The following CADPS variants were observed in gnomAD, a reference collection of about 807,000 sequenced individuals.
CADPS encodes the protein calcium dependent secretion activator.
A neutral mutation model predicts 167.3 loss-of-function variants in CADPS; 57 were observed. That is an observed-to-expected ratio of 0.34 (90% CI 0.28 to 0.42). CADPS has a LOEUF of 0.42. Among genes scored for constraint, CADPS ranks in the 20% least tolerant of loss-of-function variants. CADPS has a pLI of 1.00. For synonymous variants in CADPS, 676 were observed against 635.3 expected (o/e 1.06, Z -0.96); for missense variants, 1,414 against 1,738.1 (o/e 0.81, Z 3.32).
chr3:62,781,659 G>A lies in CADPS; in HGVS notation c.442-15675C>T, dbSNP rs144375535. Among the ~76,000 whole-genome samples the A allele has an allele frequency of 2.6e-5, 4 of 152,092 alleles. 1 individual carries two copies. Among genetic ancestry groups the A allele is most frequent in the South Asian group, 4.1e-4 (2 of 4,820 alleles). On this transcript the variant is annotated intron_variant, in intron 1 of 29. Coordinates refer to ENST00000383710, the MANE Select transcript of CADPS (RefSeq NM_003716.4). Reference sequence around the variant, plus strand: ...TAGAGAGAAAACTAATCCTGGGAGCGAGAACACACCCACGATTGTGTGTGG... The same window carrying A: ...TAGAGAGAAAACTAATCCTGGGAGCAAGAACACACCCACGATTGTGTGTGG...
chr3:62,710,113 A>T (rs1181262520), intron 3 of CADPS, among the ~76,000 whole-genome samples: 1 of 152,128 alleles, frequency 6.6e-6, no homozygotes, highest in African/African-American at 2.4e-5. Context: ...AGTAATTATT[A>T]CTTTATTCCG....
At chr3:62,628,068 T>C (rs919364462) in intron 6 of CADPS, among the ~76,000 whole-genome samples, 1 of 152,202 alleles carries the variant, frequency 6.6e-6, no homozygotes, top group Non-Finnish European at 1.5e-5. Context: ...GTTCCTCCTC[T>C]GTTCAGATTC....
chr3:62,729,703 C>T (rs1402217820), intron 3 of CADPS, among the ~76,000 whole-genome samples: 2 of 151,844 alleles, frequency 1.3e-5, no homozygotes, highest in Admixed American at 6.6e-5. Context: ...GTCACTATCA[C>T]CTCAATGTTA....
chr3:62,713,055 G>T (rs1034654377), intron 3 of CADPS, among the ~76,000 whole-genome samples: 3 of 152,180 alleles, frequency 2.0e-5, no homozygotes, highest in Non-Finnish European at 4.4e-5. Flanking sequence ...TGGCTGAATT[G>T]TTGCTCATTT....
At chr3:62,591,676 G>C (rs1336083325) in intron 7 of CADPS, among the ~76,000 whole-genome samples, 1 of 152,150 alleles carries the variant, frequency 6.6e-6, no homozygotes, top group African/African-American at 2.4e-5. Flanking sequence ...TCTTGGTGCA[G>C]AGTCAATGGT....
intron 3 of CADPS, among the ~76,000 whole-genome samples, chr3:62,663,914 A>G (rs772692903): frequency 2.3e-4 from 35 of 152,310 alleles, no homozygotes; most frequent in Non-Finnish European, 4.4e-4. Flanking sequence ...TTGGCTAGGT[A>G]TTCTAAGGCA....
intron 6 of CADPS, among the ~76,000 whole-genome samples, chr3:62,616,767 G>A (rs903609633): frequency 6.6e-6 from 1 of 152,170 alleles, no homozygotes; most frequent in Non-Finnish European, 1.5e-5. Context: ...CATATGAGGT[G>A]TCAAAGAGAC....
chr3:62,410,074 C>T lies in CADPS; in HGVS notation c.3778-6889G>A, dbSNP rs527596512. On this transcript the variant is annotated intron_variant, in intron 28 of 29. Coordinates refer to ENST00000383710, the MANE Select transcript of CADPS (RefSeq NM_003716.4). ...TATATACACACACACATACTCCCAA[C>T]AAGATATGTTACCCCATGCCTGTAA... 1.4e-3 allele frequency among the ~76,000 whole-genome samples: 208 copies of T among 152,220 alleles called. 2 individuals carry two copies. Among genetic ancestry groups the T allele is most frequent in the African/African-American group, 4.8e-3 (201 of 41,554 alleles).
chr3:62,542,324 T>C (rs1278679872), intron 11 of CADPS, among the ~76,000 whole-genome samples: 1 of 152,154 alleles, frequency 6.6e-6, no homozygotes, highest in Non-Finnish European at 1.5e-5. Flanking sequence ...ATTTCTCTTA[T>C]ACGGAAAATG....
At chr3:62,405,230 A>G (rs1003732037) in intron 28 of CADPS, among the ~76,000 whole-genome samples, 4 of 151,774 alleles carry the variant, frequency 2.6e-5, no homozygotes, top group African/African-American at 9.7e-5. Flanking sequence ...ACCTTCGAGC[A>G]ATCCTGGCAA....
intron 1 of CADPS, among the ~76,000 whole-genome samples, chr3:62,767,722 T>C (rs534569928): frequency 6.6e-6 from 1 of 152,274 alleles, no homozygotes; most frequent in South Asian, 2.1e-4. Context: ...ATCAGACTCA[T>C]ATTTGTTACA....
At position 62,753,585 on chromosome 3, in the gene CADPS, T is replaced by C. The variant is rs1159719259; in HGVS notation, c.744A>G (p.Glu248=). 19 of 1,614,150 alleles carry C rather than the reference T, an allele frequency of 1.2e-5. No homozygotes were observed. The highest frequency in any genetic ancestry group is 1.6e-5 in the Non-Finnish European group (19 of 1,180,018). ...GGGCCTGCTGCTTCCGCGGGTCCTC[T>C]TCTCCACGGTAGATGGCATCAAATT... ...MAKFDAIYRG[E]EDPRKQQARM... is the part of the protein sequence containing the mutation. Residue 248 remains glutamate (E), a synonymous_variant, in exon 3 of 30, where the codon GAA becomes GAG. Transcript: ENST00000383710. The surrounding 1 kb of genome is among the most constrained non-coding windows in gnomAD (Gnocchi z 4.6).
chr3:62,583,871 G>T lies in CADPS; in HGVS notation c.1577+1314C>A, dbSNP rs1460901967. Among the ~76,000 whole-genome samples, 5 of 152,074 alleles carry T rather than the reference G, an allele frequency of 3.3e-5. 1 individual carries two copies. The highest frequency in any genetic ancestry group is 3.3e-4 in the Admixed American group (5 of 15,270). On this transcript the variant is annotated intron_variant, in intron 8 of 29. Transcript: ENST00000383710. The stretch of plus-strand genomic sequence containing the variant: ...CTGCTGTGGTCTGCTCATCTACTGG[G>T]AAGTTCAATTCCTGTCCTGGTCACG...
intron 9 of CADPS, among the ~76,000 whole-genome samples, chr3:62,567,564 C>CTTTTTTTT (rs10561022): frequency 3.0e-5 from 1 of 33,850 alleles, no homozygotes; most frequent in African/African-American, 1.1e-4. Context: ...CTAAGCACTG[C>CTTTTTTTT]TTTTTTTTTT....
chr3:62,763,341 G>A (rs1317119348), intron 2 of CADPS, among the ~76,000 whole-genome samples: 2 of 152,200 alleles, frequency 1.3e-5, no homozygotes, highest in Non-Finnish European at 2.9e-5. Flanking sequence ...ATGGAGAGAA[G>A]CTGACCAAGA....
chr3:62,587,433 G>C (rs2148663065), intron 7 of CADPS, among the ~76,000 whole-genome samples: 1 of 152,284 alleles, frequency 6.6e-6, no homozygotes, highest in South Asian at 2.1e-4. Flanking sequence ...CACTTTGTGG[G>C]AGCTGCTGAT....
intron 6 of CADPS, among the ~76,000 whole-genome samples, chr3:62,638,597 T>C (rs1216147443): frequency 6.6e-6 from 1 of 152,168 alleles, no homozygotes; most frequent in Non-Finnish European, 1.5e-5. Flanking sequence ...GTTTCATAGC[T>C]ACACAAGATT....
Position 62,465,439 on chromosome 3 carries a change from G to T in CADPS, c.3564C>A (p.Ile1188=), listed in dbSNP as rs771644515. The T allele has an allele frequency of 1.2e-5, 19 of 1,603,550 alleles. No individual in the cohort carries two copies. In the Admixed American group the frequency reaches 2.9e-4, roughly 25 times the overall value. The change falls in exon 26 of 30, where the codon ATC becomes ATA. Residue 1188 remains isoleucine, a synonymous_variant. Transcript: ENST00000383710. This position sits in a 1 kb window ranked among gnomAD's most constrained non-coding sequence, Gnocchi z 4.1. ...ITLLVAKFVT[I]LEGVLAKLSR... is the part of the protein sequence containing the mutation. ...ATAATTTTGCCAGCACTCCTTCCAA[G>T]ATAGTAACGAACTAGAAAAACAGCA...
At chr3:62,461,500 C>T (rs971873744) in intron 26 of CADPS, among the ~76,000 whole-genome samples, 1 of 152,154 alleles carries the variant, frequency 6.6e-6, no homozygotes, top group Non-Finnish European at 1.5e-5. Context: ...GGGCTTTCCA[C>T]CTTTGCCCTC....
Sources: gnomAD v4.1 joint callset for allele counts (sites outside exome capture counted in the v4.1 genomes callset) on GRCh38, gnomAD v4.1.1 for gene constraint, Gnocchi (gnomAD v3.1) non-coding constraint, MANE v1.5 for transcripts, NCBI Gene and HGNC (gene_info 2026-07-23, HGNC 2026-07-21) for gene names.